Variants in HVCN1 observed in about 807,000 individuals in gnomAD.
HVCN1 encodes the protein voltage-gated hydrogen channel 1.
In HVCN1, 14 loss-of-function variants were observed where a neutral mutation model predicts 29.2. That is an observed-to-expected ratio of 0.48 (90% CI 0.32 to 0.75). The LOEUF (loss-of-function observed/expected upper bound fraction) is 0.75, where lower values mean the gene tolerates loss of function less well. Ranked by LOEUF, HVCN1 falls within the 30% of genes least tolerant of loss-of-function variation. The pLI is 0.04. For synonymous variants in HVCN1, 131 were observed against 133.2 expected (o/e 0.98, Z 0.11); for missense variants, 263 against 341.8 (o/e 0.77, Z 1.82).
At chr12:110,670,706 C>T (rs528246706) in intron 3 of HVCN1, among the ~76,000 whole-genome samples, 57 of 152,262 alleles carry the variant, frequency 3.7e-4, no homozygotes, top group Admixed American at 1.0e-3. Flanking sequence ...AGCCAGTGAC[C>T]GGAGAGCCAC....
chr12:110,670,514 C>T (rs1238573638), intron 3 of HVCN1, among the ~76,000 whole-genome samples: 1 of 152,224 alleles, frequency 6.6e-6, no homozygotes, highest in African/African-American at 2.4e-5. Flanking sequence ...TAACTTCCTT[C>T]CATGCACTAT....
At chr12:110,654,011 G>A (rs968763237) in intron 5 of HVCN1, among the ~76,000 whole-genome samples, 3 of 152,194 alleles carry the variant, frequency 2.0e-5, no homozygotes, top group African/African-American at 7.2e-5. Flanking sequence ...AGACGGAAGC[G>A]TGTGTGCGTC....
In HVCN1 at chr12:110,658,709, G is replaced by C. The variant is rs1213346373; in HGVS notation, c.306+2455C>G. On this transcript the variant is annotated intron_variant, in intron 4 of 7. Transcript: ENST00000242607. This position sits in a 1 kb window ranked among gnomAD's most constrained non-coding sequence, Gnocchi z 5.0. ...GGGCTTCTCTCCATTTGTAACCAAT[G>C]TGTGTCTCAGTGATGGCTCCCGTCA... Among the ~76,000 whole-genome samples the C allele has an allele frequency of 6.6e-6, 1 of 152,046 alleles. No individual in the cohort carries two copies. The highest frequency in any genetic ancestry group is 1.5e-5 in the Non-Finnish European group (1 of 68,012).
Position 110,661,068 on chromosome 12 carries a change from G to A in HVCN1, c.306+96C>T. 1.7e-6 allele frequency: 2 copies of A among 1,172,106 alleles called. No homozygotes were observed. Among genetic ancestry groups the A allele is most frequent in the Non-Finnish European group, 2.5e-6 (2 of 815,398 alleles). 72.6% of individuals were successfully genotyped at this position (1,172,106 alleles called of 1,614,324 possible). ...GGGCAAACACTCGTAGAATGAATGA[G>A]GCAGTGGCCAAATGGGCTCAGCCTG... On this transcript the variant is annotated intron_variant, in intron 4 of 7. Transcript: ENST00000242607. This position sits in a 1 kb window ranked among gnomAD's most constrained non-coding sequence, Gnocchi z 6.2.
rs145106959 is a variant in HVCN1 at position 110,651,335 on chromosome 12, G to A, written c.525C>T (p.Ala175=). The part of the protein sequence containing the change: ...FFHHKFEILD[A]VVVVVSFILD... Reference sequence around the variant, plus strand: ...GGATGAATGAGACCACCACCACGACGGCATCCAGGATCTCAAACTTGTGGT... The same window carrying A: ...GGATGAATGAGACCACCACCACGACAGCATCCAGGATCTCAAACTTGTGGT... The change falls in exon 6 of 8, where the codon GCC becomes GCT. Residue 175 remains alanine, a synonymous_variant. Transcript: ENST00000242607. The A allele has an allele frequency of 4.7e-4, 759 of 1,613,502 alleles. 7 individuals carry two copies. The African/African-American group carries it at 8.7e-3, about 18-fold the overall frequency.
rs1003854422 is a variant in HVCN1, at chr12:110,648,974, C to T, written c.*436G>A. The stretch of plus-strand genomic sequence containing the variant: ...GAAACTGAGACGAAGCTATTTAGAA[C>T]AGCTTGAAAATAAGAGACTTTTCTA... On this transcript the variant is annotated 3_prime_UTR_variant, in exon 8 of 8. Transcript: ENST00000242607. 1.1e-5 allele frequency: 5 copies of T among 443,756 alleles called. No homozygotes were observed. The highest frequency in any genetic ancestry group is 2.1e-5 in the African/African-American group (1 of 48,628). 27.5% of individuals were successfully genotyped at this position (443,756 alleles called of 1,614,324 possible).
upstream of HVCN1, among the ~76,000 whole-genome samples, chr12:110,692,077 C>T (rs187251008): frequency 6.6e-6 from 1 of 152,306 alleles, no homozygotes; most frequent in East Asian, 1.9e-4. Flanking sequence ...TATCCCCAGG[C>T]ACAGGATTTG....
At chr12:110,660,105 G>A (rs572277290) in intron 4 of HVCN1, among the ~76,000 whole-genome samples, 36 of 146,814 alleles carry the variant, frequency 2.5e-4, no homozygotes, top group Admixed American at 2.0e-3. Flanking sequence ...GGCCGGGCAC[G>A]GTGGCTAATA....
intron 1 of HVCN1, among the ~76,000 whole-genome samples, chr12:110,704,226 C>T (rs747629346): frequency 2.0e-5 from 3 of 152,068 alleles, no homozygotes; most frequent in Non-Finnish European, 4.4e-5. Flanking sequence ...TAAAGCCATA[C>T]AAAGGAATAT....
chr12:110,655,612 C>T (rs550206316), intron 4 of HVCN1, among the ~76,000 whole-genome samples: 82 of 152,188 alleles, frequency 5.4e-4, no homozygotes, highest in Non-Finnish European at 7.9e-4. Flanking sequence ...CCTCCCAGAA[C>T]ATCTCTGGCT....
upstream of HVCN1, among the ~76,000 whole-genome samples, chr12:110,694,364 A>G (rs1039117934): frequency 1.3e-5 from 2 of 152,148 alleles, no homozygotes; most frequent in East Asian, 1.9e-4. The surrounding 1 kb of genome is among the most constrained non-coding windows in gnomAD (Gnocchi z 4.6). Context: ...GCCTGGCCAC[A>G]TGGAGCATTT....
At chr12:110,675,832 C>T (rs977188779) in intron 3 of HVCN1, among the ~76,000 whole-genome samples, 1 of 152,050 alleles carries the variant, frequency 6.6e-6, no homozygotes, top group African/African-American at 2.4e-5. Context: ...TCACTTGAAC[C>T]TAGGAGGCAG....
chr12:110,682,889 G>C (rs1351475484), intron 3 of HVCN1: 1 of 288,548 alleles, frequency 3.5e-6, no homozygotes, highest in African/African-American at 2.3e-5. Context: ...CTTGAACCCT[G>C]GGGGGCAGAA....
In HVCN1 at chr12:110,655,347, C is replaced by T. The variant is rs757721235; in HGVS notation, c.307-9G>A. ...AAGCAGATGATGATGACCTGTGGGC[C>T]GAGGGAAGGTGCCAGAGATCATGAG... is the stretch of plus-strand genomic sequence containing the variant. On this transcript the variant is annotated splice_polypyrimidine_tract_variant and intron_variant, in intron 4 of 7. Coordinates refer to ENST00000242607, the MANE Select transcript of HVCN1 (RefSeq NM_032369.4). The T allele has an allele frequency of 8.1e-6, 13 of 1,607,980 alleles. No individual in the cohort carries two copies. The highest frequency in any genetic ancestry group is 1.6e-4 in the Middle Eastern group (1 of 6,066).
chr12:110,662,606 G>A (rs1045036538), intron 3 of HVCN1, among the ~76,000 whole-genome samples: 6 of 152,208 alleles, frequency 3.9e-5, no homozygotes, highest in Non-Finnish European at 7.3e-5. Context: ...TCAGGAGGCT[G>A]AGGCCCCAGA....
chr12:110,680,240 T>C (rs2068911992), intron 3 of HVCN1, among the ~76,000 whole-genome samples: 2 of 152,136 alleles, frequency 1.3e-5, no homozygotes, highest in Admixed American at 6.5e-5. Context: ...AGCTTCTGTG[T>C]GATGACAAAC....
chr12:110,703,420 A>G (rs533278158), intron 1 of HVCN1, among the ~76,000 whole-genome samples: 1 of 151,960 alleles, frequency 6.6e-6, no homozygotes, highest in East Asian at 1.9e-4. Flanking sequence ...TAAAAATTAA[A>G]AAAAATTTAA....
chr12:110,662,856 T>C (rs147801907), intron 3 of HVCN1, among the ~76,000 whole-genome samples: 129 of 152,292 alleles, frequency 8.5e-4, no homozygotes, highest in African/African-American at 2.9e-3. Flanking sequence ...TTGCAATGTA[T>C]GTGATAGACA....
At chr12:110,667,223 C>T (rs548705805) in intron 3 of HVCN1, among the ~76,000 whole-genome samples, 79 of 152,320 alleles carry the variant, frequency 5.2e-4, no homozygotes, top group African/African-American at 1.8e-3. Context: ...CAACCTCCAC[C>T]TCCTGGGTTC....
Sources: allele counts gnomAD v4.1 joint callset (sites outside exome capture counted in the v4.1 genomes callset), GRCh38; gene constraint gnomAD v4.1.1; non-coding constraint Gnocchi (gnomAD v3.1); transcripts MANE v1.5; gene names NCBI Gene and HGNC (gene_info 2026-07-23, HGNC 2026-07-21).